DHRSX: variants seen among roughly 807,000 people sequenced by gnomAD.
The protein encoded by DHRSX is dehydrogenase/reductase X-linked.
In DHRSX, 31 loss-of-function variants were observed where a neutral mutation model predicts 34.0. That is an observed-to-expected ratio of 0.91 (90% CI 0.69 to 1.23). DHRSX has a LOEUF of 1.23. Ranked by LOEUF, DHRSX falls within the 50% of genes most tolerant of loss-of-function variation. The probability of loss-of-function intolerance (pLI) is 0.00; values close to 1 mark genes in which losing one functional copy is unlikely to be tolerated. For missense variants in DHRSX, 414 were observed against 428.1 expected, an observed-to-expected ratio of 0.97 and a Z score of 0.29; for synonymous variants, 201 against 183.8, an observed-to-expected ratio of 1.09 and a Z score of -0.76.
intron 3 of DHRSX, among the ~76,000 whole-genome samples, chrX:2,376,172 T>C (rs1453155632): frequency 7.3e-6 from 1 of 137,662 alleles, no homozygotes; most frequent in Non-Finnish European, 1.7e-5. Flanking sequence ...TGAAGTCTTT[T>C]TTCGCTAAAT....
chrX:2,477,061 A>G (rs866120598), intron 1 of DHRSX, among the ~76,000 whole-genome samples: 1 of 152,190 alleles, frequency 6.6e-6, no homozygotes, highest in African/African-American at 2.4e-5. Context: ...ATATTTTACT[A>G]AATTTTTTGT....
At chrX:2,333,022 T>TG (rs1206443625) in intron 3 of DHRSX, among the ~76,000 whole-genome samples, 1 of 151,990 alleles carries the variant, frequency 6.6e-6, no homozygotes, top group East Asian at 1.9e-4. Context: ...AAATAGGTGA[T>TG]GGGCCTTTGC....
chrX:2,479,785 C>T (rs1240488339), intron 1 of DHRSX, among the ~76,000 whole-genome samples: 10 of 151,318 alleles, frequency 6.6e-5, no homozygotes, highest in Admixed American at 2.6e-4. Flanking sequence ...ACACTGTAGA[C>T]GTTCCCTAAG....
chrX:2,354,462 TTTTTTG>T (rs1440387954), intron 3 of DHRSX, among the ~76,000 whole-genome samples: 1 of 152,160 alleles, frequency 6.6e-6, no homozygotes, highest in African/African-American at 2.4e-5. Context: ...CCCATCCATC[TTTTTTG>T]TTTTTGTTTT....
At chrX:2,266,666 G>T in intron 5 of DHRSX, 74 bp downstream of exon 5, 2 of 1,443,338 alleles carry the variant, frequency 1.4e-6, no homozygotes, top group Non-Finnish European at 9.7e-7. Flanking sequence ...GCGCCACACC[G>T]CACAGACAGA....
At chrX:2,404,746 C>T (rs1224183747) in intron 3 of DHRSX, among the ~76,000 whole-genome samples, 13 of 152,236 alleles carry the variant, frequency 8.5e-5, no homozygotes, top group Admixed American at 6.5e-5. Context: ...CCCCCCGCCC[C>T]AGAAAATACT....
intron 6 of DHRSX, among the ~76,000 whole-genome samples, chrX:2,222,757 T>C (rs1239211756): frequency 6.6e-6 from 1 of 152,164 alleles, no homozygotes; most frequent in Non-Finnish European, 1.5e-5. Context: ...AAGGGTGGAC[T>C]CTGTGGGGTG....
chrX:2,465,198 C>T (rs1368580148), intron 1 of DHRSX, among the ~76,000 whole-genome samples: 2 of 152,078 alleles, frequency 1.3e-5, no homozygotes, highest in African/African-American at 4.8e-5. Context: ...AAAGCTAAGA[C>T]ATTGTGGGTG....
chrX:2,328,350 C>T (rs2042414399), intron 3 of DHRSX, among the ~76,000 whole-genome samples: 2 of 151,666 alleles, frequency 1.3e-5, no homozygotes, highest in East Asian at 3.9e-4. Flanking sequence ...CACAGACACA[C>T]ACATTGGGAC....
chrX:2,490,095 C>T (rs760828953), intron 1 of DHRSX: 12 of 1,613,796 alleles, frequency 7.4e-6, no homozygotes, highest in Middle Eastern at 1.7e-4. Flanking sequence ...GTGACGTAGG[C>T]GCGGTTCTGA....
chrX:2,255,582 G>C (rs755088141), intron 5 of DHRSX, among the ~76,000 whole-genome samples: 34 of 152,236 alleles, frequency 2.2e-4, no homozygotes, highest in Middle Eastern at 3.4e-3. Flanking sequence ...ACTGAGGGAC[G>C]TCAGAGTGAA....
At chrX:2,294,736 GAGAAA>G (rs372208441) in intron 3 of DHRSX, among the ~76,000 whole-genome samples, 3 of 150,390 alleles carry the variant, frequency 2.0e-5, no homozygotes, top group African/African-American at 7.3e-5. Flanking sequence ...GAGAGAAATA[GAGAAA>G]AGAAGACAAA....
intron 1 of DHRSX, chrX:2,500,585 C>T: frequency 5.4e-6 from 1 of 186,098 alleles, no homozygotes; most frequent in Non-Finnish European, 1.1e-5. Flanking sequence ...CGGGTCGGGC[C>T]GGGCCAGGCG....
At chrX:2,318,310 A>G (rs962929196) in intron 3 of DHRSX, among the ~76,000 whole-genome samples, 5 of 151,306 alleles carry the variant, frequency 3.3e-5, no homozygotes, top group African/African-American at 1.2e-4. Context: ...AGGCTGTGCC[A>G]CTGCACTCCA....
intron 3 of DHRSX, among the ~76,000 whole-genome samples, chrX:2,298,596 G>A (rs2041963563): frequency 1.2e-5 from 1 of 81,918 alleles, no homozygotes; most frequent in Admixed American, 1.2e-4. Context: ...CTGCAGGCGC[G>A]TGTGTACACA....
intron 1 of DHRSX, among the ~76,000 whole-genome samples, chrX:2,475,728 T>G (rs1426698197): frequency 6.6e-6 from 1 of 152,180 alleles, no homozygotes; most frequent in Non-Finnish European, 1.5e-5. Flanking sequence ...AGATGTTCCC[T>G]AAGAATGTGG....
chrX:2,308,754 G>A (rs946632074), intron 3 of DHRSX, among the ~76,000 whole-genome samples: 1 of 150,644 alleles, frequency 6.6e-6, no homozygotes, highest in African/African-American at 2.4e-5. Context: ...GGGGGAAGGA[G>A]GAAAGGATGG....
chrX:2,456,713 C>A (rs1356566377), intron 1 of DHRSX, among the ~76,000 whole-genome samples: 2 of 151,824 alleles, frequency 1.3e-5, no homozygotes, highest in Non-Finnish European at 2.9e-5. Flanking sequence ...ACTGCACAGG[C>A]CACCTTCTAA....
chrX:2,428,850 C>G lies in DHRSX; in HGVS notation c.110-3546G>C, dbSNP rs143778124. Among the ~76,000 whole-genome samples, 1,370 of 152,224 alleles carry G rather than the reference C, an allele frequency of 9.0e-3. 11 individuals are homozygous for G. The highest frequency in any genetic ancestry group is 0.015 in the Non-Finnish European group (1,032 of 68,004). ...ATAAAATGTTGTGTCTCCTCTCCCC[C>G]CAAAATAATTCCTATGTTGAGAACA... is the stretch of plus-strand genomic sequence containing the variant. On this transcript the variant is annotated intron_variant, in intron 1 of 6. Transcript: ENST00000334651.
Sources: gnomAD v4.1 joint callset for allele counts (sites outside exome capture counted in the v4.1 genomes callset) on GRCh38, gnomAD v4.1.1 for gene constraint, MANE v1.5 for transcripts, NCBI Gene and HGNC (gene_info 2026-07-23, HGNC 2026-07-21) for gene names.